CHL1: variants seen among roughly 807,000 people sequenced by gnomAD.
The protein encoded by CHL1 is neural cell adhesion molecule L1-like protein.
A neutral mutation model predicts 141.9 loss-of-function variants in CHL1; 96 were observed. The ratio of observed to expected loss-of-function variants is 0.68; its 90% CI spans 0.57 to 0.80. The LOEUF (loss-of-function observed/expected upper bound fraction) is 0.80. Ranked by LOEUF, CHL1 falls within the 30% of genes least tolerant of loss-of-function variation. CHL1 has a pLI of 0.00. For missense variants in CHL1, 1,820 were observed against 1,457.2 expected (o/e 1.25, Z -4.05); for synonymous variants, 613 against 502.2 (o/e 1.22, Z -2.95).
chr3:260,327 AG>A (rs1430515778), intron 2 of CHL1, among the ~76,000 whole-genome samples: 2 of 152,214 alleles, frequency 1.3e-5, no homozygotes, highest in African/African-American at 4.8e-5. Context: ...ACATTCTTAA[AG>A]GAAAACATAA....
At chr3:278,446 A>T (rs970743624) in intron 2 of CHL1, among the ~76,000 whole-genome samples, 1 of 152,206 alleles carries the variant, frequency 6.6e-6, no homozygotes, top group Admixed American at 6.5e-5. Context: ...AAGATCTTGC[A>T]TGCGATCCCA....
rs115960416 is a variant in CHL1 at position 236,180 on chromosome 3, T to A, written c.-174-8433T>A. ...TGTGATGAATTGGCTATAGCTGGTT[T>A]CCCAGGAGCTTTGTCATATCCACAT... On this transcript the variant is annotated intron_variant, in intron 1 of 27. Coordinates refer to ENST00000256509, the MANE Select transcript of CHL1 (RefSeq NM_006614.4). 3.7e-3 allele frequency among the ~76,000 whole-genome samples: 563 copies of A among 152,278 alleles called. 2 individuals are homozygous for A. Among genetic ancestry groups the A allele is most frequent in the African/African-American group, 0.012 (490 of 41,556 alleles).
At chr3:322,629 T>TTATA (rs1230701245) in intron 3 of CHL1, among the ~76,000 whole-genome samples, 3 of 119,870 alleles carry the variant, frequency 2.5e-5, no homozygotes, top group African/African-American at 1.1e-4. Flanking sequence ...CATCTCTAAA[T>TTATA]TATATATATA....
chr3:398,965 T>C (rs1282521375), intron 25 of CHL1, 52 bp from the exon 26 acceptor site: 9 of 1,570,158 alleles, frequency 5.7e-6, no homozygotes, highest in Non-Finnish European at 7.9e-6. Flanking sequence ...TGTTACAGAA[T>C]ACAAAAGACT....
At chr3:213,408 A>G (rs1284184754) in intron 1 of CHL1, 2 of 152,192 alleles carry the variant, frequency 1.3e-5, no homozygotes, top group African/African-American at 4.8e-5. Flanking sequence ...AAATTTATGA[A>G]GTTCCTGCTG....
intron 2 of CHL1, among the ~76,000 whole-genome samples, chr3:275,718 G>C (rs1297510867): frequency 1.3e-5 from 2 of 152,012 alleles, no homozygotes; most frequent in East Asian, 3.9e-4. Context: ...CAATAAACTT[G>C]TTATTGTTCT....
In CHL1 at chr3:203,325, C is replaced by G. The variant is rs916845652; in HGVS notation, c.-175+6262C>G. ...TGTAAAATTCATATTTCTGGCTTAT[C>G]TTAAAAGGATTGATGTTCTCACAGT... On this transcript the variant is annotated intron_variant, in intron 1 of 27. Coordinates refer to ENST00000256509, the MANE Select transcript of CHL1 (RefSeq NM_006614.4). Among the ~76,000 whole-genome samples, 13 of 152,334 alleles carry G rather than the reference C, an allele frequency of 8.5e-5. No homozygotes were observed. In the South Asian group the frequency reaches 2.3e-3, roughly 27 times the overall value.
In CHL1 at chr3:360,421, G is replaced by A. The variant is rs1559307471; in HGVS notation, c.1303G>A (p.Val435Met). The change falls in exon 12 of 28, where the codon GTG becomes ATG. Residue 435 changes from valine to methionine, a missense_variant. Coordinates refer to ENST00000256509, the MANE Select transcript of CHL1 (RefSeq NM_006614.4). ...TILANANIDV[V>M]DVRPLIQTKD... ...CCTTGCCAATGCCAATATTGATGTTGTGGGTGAGTGTGCCTGGGAGCTGAC... is the reference window on the plus strand; with the variant it reads ...CCTTGCCAATGCCAATATTGATGTTATGGGTGAGTGTGCCTGGGAGCTGAC... The A allele has an allele frequency of 6.2e-7, 1 of 1,613,326 alleles. No homozygotes were observed.
rs1699996403 is a variant in CHL1, at chr3:314,329, G to GTATGTATA, written c.-94-5351_-94-5350insGTATATAT. Among the ~76,000 whole-genome samples, 48 of 65,326 alleles carry GTATGTATA rather than the reference G, an allele frequency of 7.3e-4. 1 individual carries two copies. Among genetic ancestry groups the GTATGTATA allele is most frequent in the African/African-American group, 2.3e-3 (43 of 19,046 alleles). 42.9% of individuals were successfully genotyped at this position (65,326 alleles called of 152,430 possible). On this transcript the variant is annotated intron_variant, in intron 2 of 27. Coordinates refer to ENST00000256509, the MANE Select transcript of CHL1 (RefSeq NM_006614.4). Reference sequence around the variant, plus strand: ...TCTCTTTCTCTCTCTCTCTCTATGTGTATATATATATATATATATATATAT... The same window carrying GTATGTATA: ...TCTCTTTCTCTCTCTCTCTCTATGTGTATGTATATATATATATATATATATATATATAT...
rs1453927545 is a variant in CHL1, at chr3:407,752, A to C, written c.*2041A>C. 1 of 152,154 alleles carries C rather than the reference A, an allele frequency of 6.6e-6. No individual in the cohort carries two copies. The highest frequency in any genetic ancestry group is 1.5e-5 in the Non-Finnish European group (1 of 68,024). 9.4% of individuals were successfully genotyped at this position (152,154 alleles called of 1,614,324 possible). A position where few individuals can be genotyped will look rare whatever the true frequency, so the allele number is the denominator to read the frequency against. On this transcript the variant is annotated 3_prime_UTR_variant, in exon 28 of 28. Coordinates refer to ENST00000256509, the MANE Select transcript of CHL1 (RefSeq NM_006614.4). ...GTTTTTAAAGAGAGTCATGCAGGTT[A>C]GAAATAATGTCAAAAATATTTAGGA...
chr3:377,781 T>C, intron 15 of CHL1, 37 bp from the exon 16 acceptor site: 1 of 1,546,132 alleles, frequency 6.5e-7, no homozygotes, highest in Non-Finnish European at 8.8e-7. Flanking sequence ...TTTCTATTGT[T>C]TTCCTTCTCA....
chr3:299,034 G>A (rs980753883), intron 2 of CHL1, among the ~76,000 whole-genome samples: 4 of 152,144 alleles, frequency 2.6e-5, no homozygotes, highest in Admixed American at 1.3e-4. Flanking sequence ...AATGGAATTT[G>A]TACAAGTTTT....
intron 1 of CHL1, among the ~76,000 whole-genome samples, chr3:239,874 C>T (rs984408729): frequency 3.9e-5 from 6 of 152,090 alleles, no homozygotes; most frequent in African/African-American, 1.4e-4. Flanking sequence ...AGTTACTTCA[C>T]TTAGAATAAT....
chr3:329,669 A>G (rs1484298274), intron 5 of CHL1, among the ~76,000 whole-genome samples: 2 of 152,024 alleles, frequency 1.3e-5, no homozygotes, highest in African/African-American at 4.8e-5. Flanking sequence ...AAATAGAATA[A>G]ATGCTCTGAG....
At chr3:275,453 A>T (rs1574931653) in intron 2 of CHL1, among the ~76,000 whole-genome samples, 1 of 152,186 alleles carries the variant, frequency 6.6e-6, no homozygotes, top group East Asian at 1.9e-4. Context: ...CTATATATTG[A>T]TGGCAACCGT....
At chr3:377,123 A>G (rs1706426714) in intron 15 of CHL1, among the ~76,000 whole-genome samples, 1 of 152,232 alleles carries the variant, frequency 6.6e-6, no homozygotes, top group African/African-American at 2.4e-5. Flanking sequence ...AGTTATCTCA[A>G]CAATGGTACG....
In CHL1 at chr3:360,482, T is replaced by A. The variant is rs73814712; in HGVS notation, c.1306+58T>A. ...ATTTTCCTAAGGAAAGTGGTCAAGG[T>A]CATGTTCAGAAGTGTATTAACTCTT... On this transcript the variant is annotated intron_variant, in intron 12 of 27. Coordinates refer to ENST00000256509, the MANE Select transcript of CHL1 (RefSeq NM_006614.4). 5,266 of 1,569,460 alleles carry A rather than the reference T, an allele frequency of 3.4e-3. 148 individuals carry two copies. In the African/African-American group the frequency reaches 0.061, roughly 18 times the overall value.
intron 8 of CHL1, among the ~76,000 whole-genome samples, chr3:343,722 TGGA>T (rs887090013): frequency 1.3e-5 from 2 of 152,138 alleles, no homozygotes; most frequent in African/African-American, 4.8e-5. Flanking sequence ...GCAAGTTCAG[TGGA>T]GGAGGATGTA....
At chr3:237,546 T>A (rs1692115882) in intron 1 of CHL1, among the ~76,000 whole-genome samples, 1 of 152,080 alleles carries the variant, frequency 6.6e-6, no homozygotes, top group African/African-American at 2.4e-5. Context: ...TTTAGATGAG[T>A]GATGCAATAA....
Sources: allele counts gnomAD v4.1 joint callset (sites outside exome capture counted in the v4.1 genomes callset), GRCh38; gene constraint gnomAD v4.1.1; transcripts MANE v1.5; gene names NCBI Gene and HGNC (gene_info 2026-07-23, HGNC 2026-07-21).